The following GADL1 variants were observed in gnomAD, a reference collection of about 807,000 sequenced individuals.
The protein encoded by GADL1 is GAD like acidic amino acid decarboxylase 1.
Under a neutral mutation model 69.5 loss-of-function variants are expected in GADL1, and 71 were observed. The observed-to-expected ratio is 1.02, with a 90% CI of 0.84 to 1.25. The LOEUF (loss-of-function observed/expected upper bound fraction) is 1.25. GADL1 is among the 50% of genes most tolerant of loss of function. The pLI, the probability that GADL1 is intolerant of heterozygous loss-of-function variation, is 0.00. For missense variants in GADL1, 737 were observed against 631.8 expected, an observed-to-expected ratio of 1.17 and a Z score of -1.79; for synonymous variants, 254 against 214.4, an observed-to-expected ratio of 1.18 and a Z score of -1.62.
chr3:30,794,200 C>T (rs1189063218), intron 12 of GADL1, among the ~76,000 whole-genome samples: 3 of 152,072 alleles, frequency 2.0e-5, no homozygotes, highest in South Asian at 2.1e-4. Flanking sequence ...GAAATGATTT[C>T]CATTTGAGAG....
At chr3:30,840,260 A>G (rs1697945207) in intron 8 of GADL1, among the ~76,000 whole-genome samples, 1 of 152,274 alleles carries the variant, frequency 6.6e-6, no homozygotes, top group East Asian at 1.9e-4. Flanking sequence ...GACTTTTGAC[A>G]GAAAGATGTT....
intron 11 of GADL1, among the ~76,000 whole-genome samples, chr3:30,831,452 A>G (rs1361690289): frequency 6.6e-6 from 1 of 151,938 alleles, no homozygotes; most frequent in East Asian, 1.9e-4. Flanking sequence ...TGCAACTAAC[A>G]GATTACCCAA....
At chr3:30,891,010 G>T (rs1283652581) in intron 1 of GADL1, among the ~76,000 whole-genome samples, 1 of 149,484 alleles carries the variant, frequency 6.7e-6, no homozygotes, top group Non-Finnish European at 1.5e-5. Flanking sequence ...ACAGGCTGTC[G>T]GCTAGAGTAT....
chr3:30,812,786 G>C (rs1161699586), intron 11 of GADL1, among the ~76,000 whole-genome samples: 1 of 152,148 alleles, frequency 6.6e-6, no homozygotes. Flanking sequence ...CTAACTCTGA[G>C]TTTCTGGGAT....
At chr3:30,891,859 G>A (rs1020380907) in intron 1 of GADL1, among the ~76,000 whole-genome samples, 4 of 149,752 alleles carry the variant, frequency 2.7e-5, no homozygotes, top group Non-Finnish European at 5.9e-5. Flanking sequence ...CTAGAGTGGG[G>A]TAAAAAAAAA....
Position 30,861,650 on chromosome 3 carries a change from C to T in GADL1, c.153G>A (p.Glu51=), listed in dbSNP as rs942379435. 1.6e-5 allele frequency: 25 copies of T among 1,550,356 alleles called. No individual in the cohort carries two copies. Among genetic ancestry groups the T allele is most frequent in the Non-Finnish European group, 2.0e-5 (23 of 1,146,038 alleles). ...CCTCTTCCATTATTAGCCTACAGGC[C>T]TCTTCAACAAATTTTTCTCCAGCTT... ...DAKAGEKFVE[E]ACRLIMEEVV... Residue 51 remains glutamate (E), a synonymous_variant, in exon 2 of 15, where the codon GAG becomes GAA. Coordinates refer to ENST00000282538, the MANE Select transcript of GADL1 (RefSeq NM_207359.3).
intron 1 of GADL1, among the ~76,000 whole-genome samples, chr3:30,891,012 CTAGAG>C: frequency 6.7e-6 from 1 of 149,296 alleles, no homozygotes. Context: ...AGGCTGTCGG[CTAGAG>C]TATTTACTTT....
At chr3:30,787,328 A>G (rs1293697916) in intron 12 of GADL1, among the ~76,000 whole-genome samples, 1 of 152,164 alleles carries the variant, frequency 6.6e-6, no homozygotes, top group Non-Finnish European at 1.5e-5. Context: ...TGAAATATGG[A>G]ATATGAGTGA....
chr3:30,761,309 G>A (rs555886463), intron 14 of GADL1, among the ~76,000 whole-genome samples: 2 of 152,160 alleles, frequency 1.3e-5, no homozygotes, highest in East Asian at 3.9e-4. Context: ...AACAAGCTAA[G>A]CTAAAATTGA....
chr3:30,867,587 G>C (rs1413845738), intron 1 of GADL1, among the ~76,000 whole-genome samples: 5 of 151,760 alleles, frequency 3.3e-5, no homozygotes, highest in African/African-American at 1.2e-4. Context: ...GGCACAGAGA[G>C]GGTTTAATTC....
At chr3:30,804,436 T>C (rs1293542441) in intron 11 of GADL1, among the ~76,000 whole-genome samples, 1 of 152,232 alleles carries the variant, frequency 6.6e-6, no homozygotes, top group Non-Finnish European at 1.5e-5. Flanking sequence ...CTGCGTCCTC[T>C]AGGTCTCCAC....
intron 14 of GADL1, among the ~76,000 whole-genome samples, chr3:30,761,135 ATCTTTATATT>A (rs1696118782): frequency 6.6e-6 from 1 of 152,182 alleles, no homozygotes; most frequent in East Asian, 1.9e-4. Context: ...CTGGACGTAA[ATCTTTATATT>A]GTATGCTTTA....
At chr3:30,739,384 C>T (rs1695584420) in intron 14 of GADL1, among the ~76,000 whole-genome samples, 1 of 152,154 alleles carries the variant, frequency 6.6e-6, no homozygotes, top group African/African-American at 2.4e-5. Context: ...CCTGTGCCCA[C>T]CTGCCTGCAC....
chr3:30,752,318 C>CCTAT (rs1277898273), intron 14 of GADL1, among the ~76,000 whole-genome samples: 1 of 142,314 alleles, frequency 7.0e-6, no homozygotes, highest in African/African-American at 2.4e-5. Context: ...GTTGTAGGGG[C>CCTAT]CTATCTCTCT....
intron 14 of GADL1, among the ~76,000 whole-genome samples, chr3:30,777,465 T>C (rs1333340253): frequency 3.3e-5 from 5 of 152,198 alleles, no homozygotes; most frequent in African/African-American, 9.6e-5. Flanking sequence ...ACTTTCAGTA[T>C]GCATTATGTT....
At chr3:30,763,256 T>C (rs1284052629) in intron 14 of GADL1, among the ~76,000 whole-genome samples, 2 of 152,102 alleles carry the variant, frequency 1.3e-5, no homozygotes, top group Non-Finnish European at 2.9e-5. Context: ...CCCAGCACTT[T>C]GGGAGTCCGA....
intron 1 of GADL1, among the ~76,000 whole-genome samples, chr3:30,886,544 A>G (rs775757394): frequency 5.3e-5 from 8 of 152,144 alleles, no homozygotes; most frequent in Admixed American, 2.0e-4. Flanking sequence ...GTGGAATAGC[A>G]ATGTCTGACA....
At chr3:30,737,088 T>A (rs927052274) in intron 14 of GADL1, among the ~76,000 whole-genome samples, 1 of 152,060 alleles carries the variant, frequency 6.6e-6, no homozygotes, top group African/African-American at 2.4e-5. Context: ...TACAAGAAAA[T>A]ACAAATCACC....
intron 4 of GADL1, among the ~76,000 whole-genome samples, chr3:30,851,215 A>G (rs1698141913): frequency 6.6e-6 from 1 of 152,178 alleles, no homozygotes; most frequent in Non-Finnish European, 1.5e-5. Flanking sequence ...AATAAAGGCA[A>G]TGCATTTGCG....
Sources: allele counts gnomAD v4.1 joint callset (sites outside exome capture counted in the v4.1 genomes callset), GRCh38; gene constraint gnomAD v4.1.1; transcripts MANE v1.5; gene names NCBI Gene and HGNC (gene_info 2026-07-23, HGNC 2026-07-21).